The following ARHGAP12 variants were observed in gnomAD, a reference collection of about 807,000 sequenced individuals.
ARHGAP12 encodes rho GTPase-activating protein 12.
ARHGAP12 carries 64 observed loss-of-function variants against 108.6 expected under a neutral mutation model. That is an observed-to-expected ratio of 0.59 (90% CI 0.48 to 0.73). The LOEUF (loss-of-function observed/expected upper bound fraction) is 0.73, where lower values mean the gene tolerates loss of function less well. Among genes scored for constraint, ARHGAP12 ranks in the 30% least tolerant of loss-of-function variants. The probability of loss-of-function intolerance (pLI) is 0.00; values close to 1 mark genes in which losing one functional copy is unlikely to be tolerated. For missense variants in ARHGAP12, 940 were observed against 1,005.9 expected (o/e 0.93, Z 0.89); for synonymous variants, 312 against 337.2 (o/e 0.93, Z 0.82).
chr10:31,855,768 T>A (rs548750150), intron 4 of ARHGAP12, among the ~76,000 whole-genome samples: 1 of 152,174 alleles, frequency 6.6e-6, no homozygotes, highest in Non-Finnish European at 1.5e-5. Context: ...AGATATGACT[T>A]TCTAGCTAAC....
chr10:31,904,223 G>T lies in ARHGAP12; in HGVS notation c.684+3949C>A, dbSNP rs538980221. Among the ~76,000 whole-genome samples, 11 of 152,182 alleles carry T rather than the reference G, an allele frequency of 7.2e-5. 1 individual carries two copies. Among genetic ancestry groups the T allele is most frequent in the African/African-American group, 2.7e-4 (11 of 41,508 alleles). On this transcript the variant is annotated intron_variant, in intron 3 of 19. Transcript: ENST00000344936. ...GGAAACAACCTAGATATTCTTTTAT[G>T]GATAAATGGTTAAATAAACTATGGT...
At chr10:31,852,466 A>G (rs1276079698) in intron 6 of ARHGAP12, 51 bp downstream of exon 6, 17 of 1,303,830 alleles carry the variant, frequency 1.3e-5, no homozygotes, top group Non-Finnish European at 1.9e-5. Flanking sequence ...ATCTCCAGAT[A>G]TTACTTCATC....
At chr10:31,853,415 A>C (rs1282475156) in intron 5 of ARHGAP12, among the ~76,000 whole-genome samples, 1 of 152,210 alleles carries the variant, frequency 6.6e-6, no homozygotes, top group Non-Finnish European at 1.5e-5. Flanking sequence ...AGGGGAAAAA[A>C]GACTACATAT....
At chr10:31,813,295 A>C (rs2132146303) in intron 14 of ARHGAP12, among the ~76,000 whole-genome samples, 1 of 152,272 alleles carries the variant, frequency 6.6e-6, no homozygotes, top group Non-Finnish European at 1.5e-5. Flanking sequence ...TAGACATATA[A>C]CCATCATAAC....
At chr10:31,858,823 C>G (rs543602300) in intron 4 of ARHGAP12, among the ~76,000 whole-genome samples, 2 of 152,208 alleles carry the variant, frequency 1.3e-5, no homozygotes, top group Admixed American at 6.5e-5. Flanking sequence ...GGGAGGACAA[C>G]AGTCAAGCAG....
At chr10:31,825,803 T>C (rs75717721) in intron 11 of ARHGAP12, among the ~76,000 whole-genome samples, 18 of 152,286 alleles carry the variant, frequency 1.2e-4, no homozygotes, top group Non-Finnish European at 2.5e-4. Flanking sequence ...CACTCAAATA[T>C]ATAAAAAGCT....
rs1026391932 is a variant in ARHGAP12 at position 31,844,953 on chromosome 10, T to C, written c.1171-1367A>G. On this transcript the variant is annotated intron_variant, in intron 6 of 19. Coordinates refer to ENST00000344936, the MANE Select transcript of ARHGAP12 (RefSeq NM_018287.7). ...GGAAGGGATATTAAATGGAAATGCA[T>C]TGGACTTGTAGATTAATTTGGACAT... is the stretch of plus-strand genomic sequence containing the variant. 6.6e-5 allele frequency among the ~76,000 whole-genome samples: 10 copies of C among 152,178 alleles called. No homozygotes were observed. The South Asian group carries it at 1.2e-3, about 19-fold the overall frequency.
At chr10:31,897,135 C>A (rs1274053513) in intron 3 of ARHGAP12, among the ~76,000 whole-genome samples, 1 of 152,132 alleles carries the variant, frequency 6.6e-6, no homozygotes, top group African/African-American at 2.4e-5. Flanking sequence ...CAAGAAGATA[C>A]TCCCATAGCT....
intron 3 of ARHGAP12, among the ~76,000 whole-genome samples, chr10:31,900,284 G>A (rs903175839): frequency 6.6e-6 from 1 of 152,164 alleles, no homozygotes; most frequent in African/African-American, 2.4e-5. Flanking sequence ...AAACCACTTA[G>A]AAAGACAGTT....
At chr10:31,879,128 A>T (rs1379163178) in intron 3 of ARHGAP12, among the ~76,000 whole-genome samples, 1 of 152,202 alleles carries the variant, frequency 6.6e-6, no homozygotes, top group African/African-American at 2.4e-5. Flanking sequence ...GACAAGAATA[A>T]GGCCAAGTGC....
rs773526117 is a variant in ARHGAP12 at position 31,861,629 on chromosome 10, T to G, written c.714A>C (p.Pro238=). The change falls in exon 4 of 20, where the codon CCA becomes CCC. Residue 238 remains proline, a synonymous_variant. Transcript: ENST00000344936. ...RATTPPNQGR[P]DSPVYANLQE... ...GAAGGTTAGCATAGACAGGAGAATC[T>G]GGCCTTCCTTGATTTGGAGGTGTGG... is the stretch of plus-strand genomic sequence containing the variant. The G allele has an allele frequency of 3.7e-6, 6 of 1,608,492 alleles. No individual in the cohort carries two copies. In the East Asian group the frequency reaches 1.3e-4, roughly 36 times the overall value.
intron 3 of ARHGAP12, among the ~76,000 whole-genome samples, chr10:31,876,558 A>AC (rs974080167): frequency 4.6e-5 from 7 of 151,728 alleles, no homozygotes; most frequent in African/African-American, 1.7e-4. Flanking sequence ...AAAAAAAAAA[A>AC]AACCCACTAA....
In ARHGAP12 at chr10:31,807,669, A is replaced by G; in HGVS notation, c.2530T>C (p.Phe844Leu). 1 of 1,601,666 alleles carries G rather than the reference A, an allele frequency of 6.2e-7. No homozygotes were observed. The highest frequency in any genetic ancestry group is 8.5e-7 in the Non-Finnish European group (1 of 1,176,172). The change falls in exon 20 of 20, where the codon TTC becomes CTC. Residue 844 changes from phenylalanine to leucine, a missense_variant. Transcript: ENST00000344936. Reference sequence around the variant, plus strand: ...GTCTTCAGTAAGAATCAACGTCCGAAGATGGAACTCAGTTCCAGAAGAATT... The same window carrying G: ...GTCTTCAGTAAGAATCAACGTCCGAGGATGGAACTCAGTTCCAGAAGAATT... ...ELILLELSSIFGR is the reference protein window; with the variant it reads ...ELILLELSSILGR
At chr10:31,871,289 A>T (rs951678014) in intron 3 of ARHGAP12, among the ~76,000 whole-genome samples, 2 of 152,224 alleles carry the variant, frequency 1.3e-5, no homozygotes, top group African/African-American at 4.8e-5. Flanking sequence ...ATTCGTTATC[A>T]TGGTATCTTT....
At chr10:31,814,160 T>C (rs1013998395) in intron 14 of ARHGAP12, 99 bp downstream of exon 14, 13 of 926,694 alleles carry the variant, frequency 1.4e-5, no homozygotes, top group African/African-American at 9.9e-5. Context: ...TTTTGTAACA[T>C]TGGACATTCC....
At chr10:31,808,234 C>T (rs974062699) in intron 19 of ARHGAP12, among the ~76,000 whole-genome samples, 1 of 151,404 alleles carries the variant, frequency 6.6e-6, no homozygotes, top group Non-Finnish European at 1.5e-5. Flanking sequence ...AAAAAAAACT[C>T]TCTCTAGCTG....
chr10:31,920,262 C>T (rs1391856841), intron 1 of ARHGAP12, among the ~76,000 whole-genome samples: 1 of 151,602 alleles, frequency 6.6e-6, no homozygotes, highest in Admixed American at 6.6e-5. Context: ...ACCAGCCTGA[C>T]CAACATGGTG....
At chr10:31,919,856 C>T (rs1014826641) in intron 1 of ARHGAP12, among the ~76,000 whole-genome samples, 1 of 151,316 alleles carries the variant, frequency 6.6e-6, no homozygotes, top group African/African-American at 2.4e-5. Context: ...CGGTGGCTCA[C>T]GCCAGTCATC....
chr10:31,909,180 C>G (rs1839255401), intron 2 of ARHGAP12, among the ~76,000 whole-genome samples: 1 of 152,216 alleles, frequency 6.6e-6, no homozygotes. Context: ...TAAATATACA[C>G]TAACCAGGTA....
Sources: gnomAD v4.1 joint callset for allele counts (sites outside exome capture counted in the v4.1 genomes callset) on GRCh38, gnomAD v4.1.1 for gene constraint, MANE v1.5 for transcripts, NCBI Gene and HGNC (gene_info 2026-07-23, HGNC 2026-07-21) for gene names.